PODXL: variants seen among roughly 807,000 people sequenced by gnomAD.
PODXL encodes the protein podocalyxin.
PODXL carries 20 observed loss-of-function variants against 48.9 expected under a neutral mutation model. That is an observed-to-expected ratio of 0.41 (90% CI 0.29 to 0.59). The LOEUF (loss-of-function observed/expected upper bound fraction) is 0.59. PODXL is among the 20% of genes least tolerant of loss of function. The pLI is 0.31. For synonymous variants in PODXL, 295 were observed against 287.4 expected, an observed-to-expected ratio of 1.03 and a Z score of -0.27; for missense variants, 606 against 675.1, an observed-to-expected ratio of 0.90 and a Z score of 1.13.
chr7:131,539,398 T>A (rs1183625035), intron 1 of PODXL, among the ~76,000 whole-genome samples: 2 of 152,186 alleles, frequency 1.3e-5, no homozygotes, highest in African/African-American at 4.8e-5. Context: ...TATTGTGATC[T>A]CGGCTTACTG....
intron 1 of PODXL, 54 bp downstream of exon 1, chr7:131,556,206 A>G: frequency 7.2e-7 from 1 of 1,398,208 alleles, no homozygotes; most frequent in Non-Finnish European, 9.3e-7. Context: ...TCGGCCGGGC[A>G]GGGGGCACAT....
intron 1 of PODXL, among the ~76,000 whole-genome samples, chr7:131,548,544 TG>T (rs1393580891): frequency 6.6e-6 from 1 of 152,254 alleles, no homozygotes. Context: ...TTTTTCCTGA[TG>T]GCTGGAACTC....
At chr7:131,531,429 G>A (rs776745407) in intron 1 of PODXL, among the ~76,000 whole-genome samples, 4 of 152,112 alleles carry the variant, frequency 2.6e-5, no homozygotes, top group Non-Finnish European at 5.9e-5. Flanking sequence ...GAACTGACTC[G>A]CCTCACTCTC....
chr7:131,526,606 T>C (rs1188116580), intron 1 of PODXL, among the ~76,000 whole-genome samples: 1 of 151,942 alleles, frequency 6.6e-6, no homozygotes, highest in Non-Finnish European at 1.5e-5. Flanking sequence ...TTGACAAACA[T>C]TTTAAAGTAG....
At position 131,508,863 on chromosome 7, in the gene PODXL, T is replaced by G. The variant is rs1336143135; in HGVS notation, c.1101+88A>C. 5 of 952,952 alleles carry G rather than the reference T, an allele frequency of 5.2e-6. No individual in the cohort carries two copies. The East Asian group carries it at 1.2e-4, about 23-fold the overall frequency. The allele number at this position is 952,952 out of a possible 1,614,324, so 59.0% of individuals were successfully genotyped here. On this transcript the variant is annotated intron_variant, in intron 5 of 8. Transcript: ENST00000378555. Reference sequence around the variant, plus strand: ...TGCACCTTAGAAAGATGTTTAAAAATGCACCTAGAAAGAACATACATTCCC... The same window carrying G: ...TGCACCTTAGAAAGATGTTTAAAAAGGCACCTAGAAAGAACATACATTCCC...
intron 1 of PODXL, among the ~76,000 whole-genome samples, chr7:131,550,598 T>C (rs1327284791): frequency 6.6e-6 from 1 of 151,866 alleles, no homozygotes; most frequent in African/African-American, 2.4e-5. Context: ...GCAAGCCACC[T>C]GCACTCCACC....
At position 131,504,706 on chromosome 7, in the gene PODXL, C is replaced by CCCCTCA. The variant is rs564584155; in HGVS notation, c.1480-204_1480-199dup. On this transcript the variant is annotated intron_variant, in intron 8 of 8. Transcript: ENST00000378555. ...GGAACTAGTTGGGAACAAAGACTTGCCCCTCACCCTCACCCTGGTGGCAGA... is the reference window on the plus strand; with the variant it reads ...GGAACTAGTTGGGAACAAAGACTTGCCCCTCACCCTCACCCTCACCCTGGTGGCAGA... 2.4e-3 allele frequency among the ~76,000 whole-genome samples: 369 copies of CCCCTCA among 152,264 alleles called. 1 individual carries two copies. Among genetic ancestry groups the CCCCTCA allele is most frequent in the African/African-American group, 8.6e-3 (356 of 41,558 alleles).
intron 1 of PODXL, among the ~76,000 whole-genome samples, chr7:131,551,661 G>C (rs12540002): frequency 0.33 from 50,386 of 152,028 alleles, 9,367 homozygotes; most frequent in Non-Finnish European, 0.43. Context: ...TCTGAGCTGG[G>C]TGCGGTGGCT....
At chr7:131,555,888 C>T (rs192044121) in intron 1 of PODXL, among the ~76,000 whole-genome samples, 10 of 152,256 alleles carry the variant, frequency 6.6e-5, no homozygotes, top group Admixed American at 2.0e-4. Flanking sequence ...TTCCCTCCAA[C>T]ACGAAGGAAA....
At chr7:131,524,043 C>T (rs1022758325) in intron 1 of PODXL, among the ~76,000 whole-genome samples, 1 of 152,142 alleles carries the variant, frequency 6.6e-6, no homozygotes, top group African/African-American at 2.4e-5. Context: ...AGGCAATCCA[C>T]CCGCCTGGAC....
intron 1 of PODXL, among the ~76,000 whole-genome samples, chr7:131,528,702 T>A (rs1267791273): frequency 6.6e-6 from 1 of 152,216 alleles, no homozygotes; most frequent in Non-Finnish European, 1.5e-5. Context: ...ACTGTAGCGA[T>A]GTTCAGCTGC....
At chr7:131,549,506 C>A (rs1798635730) in intron 1 of PODXL, among the ~76,000 whole-genome samples, 1 of 152,176 alleles carries the variant, frequency 6.6e-6, no homozygotes, top group African/African-American at 2.4e-5. Flanking sequence ...GTGGCTTCAG[C>A]CTCACACACA....
intron 1 of PODXL, among the ~76,000 whole-genome samples, chr7:131,528,818 G>A (rs895673365): frequency 5.3e-5 from 8 of 152,162 alleles, no homozygotes; most frequent in Admixed American, 6.5e-5. Context: ...TGTAACGCAA[G>A]GATTCTAATG....
At position 131,505,927 on chromosome 7, in the gene PODXL, G is replaced by A. The variant is rs1211101063; in HGVS notation, c.1420C>T (p.Leu474Phe). 2 of 1,596,904 alleles carry A rather than the reference G, an allele frequency of 1.3e-6. No individual in the cohort carries two copies. The highest frequency in any genetic ancestry group is 2.3e-5 in the South Asian group (2 of 87,874). The part of the protein sequence containing the change: ...ITIVCMASFL[L>F]LVAALYGCCH... ...CAGCCATAGAGGGCCGCCACGAGGA[G>A]CAGGAATGATGCCATGCAGACGATG... Residue 474 changes from leucine (L) to phenylalanine (F), a missense_variant, in exon 8 of 9, where the codon CTC becomes TTC. Physicochemically the swap from Leu to Phe is conservative, Grantham distance 22. Transcript: ENST00000378555.
intron 1 of PODXL, among the ~76,000 whole-genome samples, chr7:131,530,888 G>A (rs1290343654): frequency 4.0e-5 from 6 of 151,730 alleles, no homozygotes; most frequent in South Asian, 2.1e-4. Context: ...GAGAAACCCC[G>A]TCTCTACTAA....
intron 1 of PODXL, among the ~76,000 whole-genome samples, chr7:131,551,712 G>A (rs1319724990): frequency 7.2e-5 from 11 of 151,818 alleles, no homozygotes; most frequent in East Asian, 1.9e-4. Flanking sequence ...TGAGGCGGGC[G>A]GATCATGAGG....
At chr7:131,545,173 C>A (rs563072725) in intron 1 of PODXL, among the ~76,000 whole-genome samples, 13 of 152,340 alleles carry the variant, frequency 8.5e-5, no homozygotes, top group African/African-American at 2.6e-4. Flanking sequence ...TTCCATAATT[C>A]TTTTAACAGA....
chr7:131,553,884 G>T (rs1333427405), intron 1 of PODXL, among the ~76,000 whole-genome samples: 4 of 152,182 alleles, frequency 2.6e-5, no homozygotes, highest in Admixed American at 2.6e-4. Flanking sequence ...TACCATTGTG[G>T]TTCTGCCAGA....
Position 131,529,735 on chromosome 7 carries a change from C to T in PODXL, c.101-18302G>A, listed in dbSNP as rs192514034. On this transcript the variant is annotated intron_variant, in intron 1 of 8. Coordinates refer to ENST00000378555, the MANE Select transcript of PODXL (RefSeq NM_001018111.3). ...AAGGTCTGAACCTTCTCATCCTGCC[C>T]CCGCCTTGGACCCTCAGGCCTGGGC... is the stretch of plus-strand genomic sequence containing the variant. Among the ~76,000 whole-genome samples the T allele has an allele frequency of 2.6e-3, 392 of 152,140 alleles. 1 individual carries two copies. Among genetic ancestry groups the T allele is most frequent in the African/African-American group, 9.2e-3 (381 of 41,514 alleles).
Sources: allele counts gnomAD v4.1 joint callset (sites outside exome capture counted in the v4.1 genomes callset), GRCh38; gene constraint gnomAD v4.1.1; transcripts MANE v1.5; gene names NCBI Gene and HGNC (gene_info 2026-07-23, HGNC 2026-07-21).